Variants in MALRD1 observed in about 807,000 individuals in gnomAD.
MALRD1 encodes the protein MAM and LDL-receptor class A domain-containing protein 1.
In MALRD1, 247 loss-of-function variants were observed where a neutral mutation model predicts 242.1. That is an observed-to-expected ratio of 1.02 (90% CI 0.92 to 1.13). The LOEUF (loss-of-function observed/expected upper bound fraction) is 1.13. Ranked by LOEUF, MALRD1 falls within the 50% of genes most tolerant of loss-of-function variation. The probability of loss-of-function intolerance (pLI) is 0.00; values close to 1 mark genes in which losing one functional copy is unlikely to be tolerated. For synonymous variants in MALRD1, 995 were observed against 866.6 expected, an observed-to-expected ratio of 1.15 and a Z score of -2.60; for missense variants, 2,989 against 2,533.1, an observed-to-expected ratio of 1.18 and a Z score of -3.86.
chr10:19,332,858 G>T (rs1351028827), intron 24 of MALRD1, among the ~76,000 whole-genome samples: 3 of 152,044 alleles, frequency 2.0e-5, no homozygotes, highest in African/African-American at 7.2e-5. Context: ...TGACAGAGTT[G>T]GTCCTAGAAC....
intron 36 of MALRD1, among the ~76,000 whole-genome samples, chr10:19,683,329 G>A (rs1382323440): frequency 1.3e-5 from 2 of 152,176 alleles, no homozygotes; most frequent in East Asian, 1.9e-4. Flanking sequence ...GCGGGGAAAA[G>A]CCACAACCAG....
chr10:19,130,355 T>C (rs954263370), intron 8 of MALRD1, among the ~76,000 whole-genome samples: 3 of 152,146 alleles, frequency 2.0e-5, no homozygotes, highest in Non-Finnish European at 4.4e-5. Flanking sequence ...CTCCATGCAA[T>C]CTACAACATT....
Position 19,615,901 on chromosome 10 carries a change from G to T in MALRD1, c.6115G>T (p.Glu2039Ter). The T allele has an allele frequency of 6.5e-7, 1 of 1,531,736 alleles. No individual in the cohort carries two copies. Among genetic ancestry groups the T allele is most frequent in the Admixed American group, 2.0e-5 (1 of 50,676 alleles). 94.9% of individuals were successfully genotyped at this position (1,531,736 alleles called of 1,614,324 possible). A position where few individuals can be genotyped will look rare whatever the true frequency, so the allele number is the denominator to read the frequency against. ...YCRNGGTCVVEKNGPMCRCRQ... is the reference protein window; with the variant it reads ...YCRNGGTCVV ...CAGAAATGGTGGGACTTGTGTAGTG[G>T]AGAAAAATGGTCCTATGTGTCGGTA... Residue 2039 changes from glutamate (E) to a stop codon, truncating the protein, a stop_gained, in exon 36 of 40, where the codon GAG becomes TAG. Transcript: ENST00000454679. LOFTEE classifies it high-confidence loss of function.
intron 38 of MALRD1, among the ~76,000 whole-genome samples, chr10:19,713,407 A>G (rs1433811640): frequency 6.6e-6 from 1 of 152,206 alleles, no homozygotes; most frequent in Non-Finnish European, 1.5e-5. Context: ...TTGGAGCTCA[A>G]ATAATGTTTC....
intron 28 of MALRD1, among the ~76,000 whole-genome samples, chr10:19,421,012 C>T (rs1643170513): frequency 6.6e-6 from 1 of 152,204 alleles, no homozygotes; most frequent in Non-Finnish European, 1.5e-5. Context: ...TGACTCTACC[C>T]TTGGTTGATC....
chr10:19,447,216 C>G (rs1045129546), intron 28 of MALRD1, among the ~76,000 whole-genome samples: 2 of 152,098 alleles, frequency 1.3e-5, no homozygotes, highest in African/African-American at 4.8e-5. Flanking sequence ...CTTTTTGTCC[C>G]TGGCATCTAA....
Position 19,586,873 on chromosome 10 carries a change from G to C in MALRD1, c.5681-8321G>C, listed in dbSNP as rs1015695453. On this transcript the variant is annotated intron_variant, in intron 33 of 39. Transcript: ENST00000454679. ...TCTCAGACTGCTGCGTTAGCAATCA[G>C]CGAGACTCCGTGGGCCTAGGACACT... 1.1e-4 allele frequency among the ~76,000 whole-genome samples: 17 copies of C among 152,352 alleles called. No individual in the cohort carries two copies. In the East Asian group the frequency reaches 2.7e-3, roughly 24 times the overall value.
intron 36 of MALRD1, among the ~76,000 whole-genome samples, chr10:19,628,944 A>G (rs909275705): frequency 6.6e-6 from 1 of 152,186 alleles, no homozygotes; most frequent in South Asian, 2.1e-4. Flanking sequence ...CTGCAGAGCC[A>G]AGTAAGCAAG....
chr10:19,429,697 C>T (rs953619835), intron 28 of MALRD1, among the ~76,000 whole-genome samples: 1 of 152,148 alleles, frequency 6.6e-6, no homozygotes, highest in African/African-American at 2.4e-5. Flanking sequence ...ATATTTTACC[C>T]CCATACGTTC....
At chr10:19,485,813 A>G (rs370257500) in intron 29 of MALRD1, among the ~76,000 whole-genome samples, 2 of 152,102 alleles carry the variant, frequency 1.3e-5, no homozygotes, top group East Asian at 1.9e-4. Flanking sequence ...ACTACTTCCA[A>G]TTATGAAGAA....
At chr10:19,407,293 GAC>G (rs1833070779) in intron 28 of MALRD1, among the ~76,000 whole-genome samples, 2 of 151,990 alleles carry the variant, frequency 1.3e-5, no homozygotes, top group African/African-American at 4.8e-5. Flanking sequence ...AACATAGGCA[GAC>G]CCTATCACTA....
intron 28 of MALRD1, among the ~76,000 whole-genome samples, chr10:19,428,523 C>T (rs1833990600): frequency 6.6e-6 from 1 of 152,094 alleles, no homozygotes; most frequent in Admixed American, 6.6e-5. Flanking sequence ...ATAAACACCA[C>T]CATCCTCACC....
At chr10:19,253,882 C>A (rs1839396557) in intron 18 of MALRD1, among the ~76,000 whole-genome samples, 1 of 151,942 alleles carries the variant, frequency 6.6e-6, no homozygotes, top group East Asian at 1.9e-4. Context: ...GTAATACTCA[C>A]CATGGGTCAA....
intron 29 of MALRD1, among the ~76,000 whole-genome samples, chr10:19,468,315 A>G (rs1228837970): frequency 6.6e-6 from 1 of 152,178 alleles, no homozygotes; most frequent in Non-Finnish European, 1.5e-5. Context: ...TGCTTTAAAT[A>G]TAAGCATAGT....
chr10:19,331,420 G>C lies in MALRD1; in HGVS notation c.3739G>C (p.Asp1247His), dbSNP rs148811977. ...CAGTTACATAGGAGATGTAGCAGTG[G>C]ATGATATTTCCTTCCAAGATTGCTC... is the stretch of plus-strand genomic sequence containing the variant. ...GISYIGDVAV[D>H]DISFQDCSPL... Residue 1247 changes from aspartate (D) to histidine (H), a missense_variant, in exon 24 of 40, where the codon GAT becomes CAT. Transcript: ENST00000454679. 1.3e-6 allele frequency: 2 copies of C among 1,550,562 alleles called. No individual in the cohort carries two copies. The highest frequency in any genetic ancestry group is 2.7e-5 in the African/African-American group (2 of 73,088).
intron 33 of MALRD1, among the ~76,000 whole-genome samples, chr10:19,591,497 GTTTTT>G (rs35785107): frequency 8.6e-6 from 1 of 116,294 alleles, no homozygotes; most frequent in Non-Finnish European, 1.8e-5. Context: ...TTTTATTTTA[GTTTTT>G]TTTTTTTTTT....
intron 32 of MALRD1, among the ~76,000 whole-genome samples, chr10:19,543,118 G>C (rs7910815): frequency 0.061 from 9,345 of 152,160 alleles, 341 homozygotes; most frequent in Middle Eastern, 0.1. Flanking sequence ...ATTAAACTGA[G>C]ACAGCAATCA....
intron 29 of MALRD1, among the ~76,000 whole-genome samples, chr10:19,482,285 C>T (rs573459433): frequency 3.3e-5 from 5 of 151,740 alleles, no homozygotes; most frequent in African/African-American, 1.2e-4. Context: ...TTGAAACATG[C>T]CTACCATAAA....
intron 21 of MALRD1, among the ~76,000 whole-genome samples, chr10:19,283,962 G>T (rs201466416): frequency 6.6e-6 from 1 of 152,142 alleles, no homozygotes; most frequent in African/African-American, 2.4e-5. Context: ...AATAGAAAGC[G>T]CTGCAGATGG....
Sources: gnomAD v4.1 joint callset for allele counts (sites outside exome capture counted in the v4.1 genomes callset) on GRCh38, gnomAD v4.1.1 for gene constraint, MANE v1.5 for transcripts, NCBI Gene and HGNC (gene_info 2026-07-23, HGNC 2026-07-21) for gene names.